DYNC1I1: variants seen among roughly 807,000 people sequenced by gnomAD.
DYNC1I1 encodes cytoplasmic dynein 1 intermediate chain 1.
DYNC1I1 carries 43 observed loss-of-function variants against 86.6 expected under a neutral mutation model. The observed-to-expected ratio is 0.50, with a 90% confidence interval of 0.39 to 0.64. The LOEUF (loss-of-function observed/expected upper bound fraction) is 0.64. Among genes scored for constraint, DYNC1I1 ranks in the 30% least tolerant of loss-of-function variants. The pLI is 0.00. For synonymous variants in DYNC1I1, 262 were observed against 283.7 expected, an observed-to-expected ratio of 0.92 and a Z score of 0.77; for missense variants, 604 against 788.8, an observed-to-expected ratio of 0.77 and a Z score of 2.81.
intron 5 of DYNC1I1, among the ~76,000 whole-genome samples, chr7:95,843,769 T>C (rs761109910): frequency 1.3e-5 from 2 of 152,230 alleles, no homozygotes; most frequent in Non-Finnish European, 2.9e-5. Flanking sequence ...ACTTGTCTTT[T>C]TACCAGGCAA....
At chr7:96,052,499 G>A (rs888601517) in intron 14 of DYNC1I1, among the ~76,000 whole-genome samples, 1 of 151,952 alleles carries the variant, frequency 6.6e-6, no homozygotes, top group Non-Finnish European at 1.5e-5. Context: ...TCTAAAATGG[G>A]GATTAAAATA....
intron 1 of DYNC1I1, among the ~76,000 whole-genome samples, chr7:95,794,548 A>C (rs1794388197): frequency 6.6e-6 from 1 of 152,126 alleles, no homozygotes; most frequent in Non-Finnish European, 1.5e-5. Context: ...GAGTCCTTTA[A>C]GATTTAAGAG....
chr7:95,984,740 G>T, intron 7 of DYNC1I1, 75 bp from the exon 8 acceptor site: 1 of 1,427,918 alleles, frequency 7.0e-7, no homozygotes, highest in Non-Finnish European at 9.3e-7. Flanking sequence ...CAAGAATTGG[G>T]TTCCTCTTGA....
At chr7:95,977,060 A>G (rs558678459) in intron 6 of DYNC1I1, among the ~76,000 whole-genome samples, 1 of 152,298 alleles carries the variant, frequency 6.6e-6, no homozygotes, top group South Asian at 2.1e-4. Flanking sequence ...TCAGACCTGT[A>G]TTTAACCCTT....
chr7:96,063,990 A>T (rs1391466040), intron 14 of DYNC1I1, among the ~76,000 whole-genome samples: 7 of 152,176 alleles, frequency 4.6e-5, no homozygotes, highest in African/African-American at 1.7e-4. Flanking sequence ...GGAACAGTTG[A>T]TGCAATGTGG....
intron 10 of DYNC1I1, among the ~76,000 whole-genome samples, chr7:96,001,060 G>T (rs1212951249): frequency 6.6e-6 from 1 of 152,154 alleles, no homozygotes. Context: ...ACTAGCATTT[G>T]CTGCATCCCG....
At chr7:95,861,078 T>A (rs1789864437) in intron 5 of DYNC1I1, among the ~76,000 whole-genome samples, 3 of 152,122 alleles carry the variant, frequency 2.0e-5, no homozygotes, top group Admixed American at 2.0e-4. Flanking sequence ...CTGCCTAGTA[T>A]TGAAATGACC....
At chr7:96,090,007 G>A (rs1334072054) in intron 16 of DYNC1I1, among the ~76,000 whole-genome samples, 2 of 151,870 alleles carry the variant, frequency 1.3e-5, no homozygotes, top group African/African-American at 4.8e-5. Flanking sequence ...TTGTGTTATG[G>A]AAAACAAGTT....
At chr7:95,967,043 G>A (rs1793033576) in intron 6 of DYNC1I1, among the ~76,000 whole-genome samples, 1 of 152,052 alleles carries the variant, frequency 6.6e-6, no homozygotes, top group South Asian at 2.1e-4. Context: ...GGGGAAATTA[G>A]AAATTATTAA....
At chr7:95,809,621 A>G (rs2115823782) in intron 2 of DYNC1I1, among the ~76,000 whole-genome samples, 1 of 152,256 alleles carries the variant, frequency 6.6e-6, no homozygotes, top group East Asian at 1.9e-4. Context: ...CTGCATTTTA[A>G]TTTGTCACTG....
intron 6 of DYNC1I1, among the ~76,000 whole-genome samples, chr7:95,872,135 G>T (rs988908128): frequency 1.3e-5 from 2 of 152,238 alleles, no homozygotes; most frequent in Non-Finnish European, 2.9e-5. Flanking sequence ...GCTGCGTGGA[G>T]CAGTGGACAG....
chr7:95,957,521 C>T (rs1792748442), intron 6 of DYNC1I1, among the ~76,000 whole-genome samples: 1 of 152,194 alleles, frequency 6.6e-6, no homozygotes, highest in Non-Finnish European at 1.5e-5. Context: ...CCAGAAGCTC[C>T]CACTCCCTTG....
chr7:96,004,142 G>T (rs1344321925), intron 10 of DYNC1I1, among the ~76,000 whole-genome samples: 1 of 152,086 alleles, frequency 6.6e-6, no homozygotes, highest in African/African-American at 2.4e-5. Flanking sequence ...TACTTCCCGG[G>T]GAAGTTTTCT....
chr7:95,961,082 GGTA>G, intron 6 of DYNC1I1, among the ~76,000 whole-genome samples: 1 of 152,330 alleles, frequency 6.6e-6, no homozygotes. Context: ...AAGTAAATGA[GGTA>G]GTAGCATGCT....
At chr7:96,102,785 A>G (rs778991484), downstream of DYNC1I1, among the ~76,000 whole-genome samples, 4 of 152,204 alleles carry the variant, frequency 2.6e-5, no homozygotes, top group Admixed American at 1.3e-4. Context: ...TTGGAAAATT[A>G]TAGTAGTGGC....
chr7:96,102,692 G>A (rs966147230), downstream of DYNC1I1, among the ~76,000 whole-genome samples: 5 of 152,146 alleles, frequency 3.3e-5, no homozygotes, highest in Non-Finnish European at 7.3e-5. Context: ...CTGCTGTATG[G>A]GCCATAAAAT....
intron 9 of DYNC1I1, among the ~76,000 whole-genome samples, chr7:95,994,327 T>C (rs959733070): frequency 6.6e-6 from 1 of 152,010 alleles, no homozygotes; most frequent in African/African-American, 2.4e-5. Flanking sequence ...GACACAGGTG[T>C]AGAAAAAAAA....
At chr7:96,109,109 T>G (rs1791265418) in intron 16 of DYNC1I1, among the ~76,000 whole-genome samples, 1 of 152,074 alleles carries the variant, frequency 6.6e-6, no homozygotes, top group African/African-American at 2.4e-5. Flanking sequence ...ATTATGTGGG[T>G]TTTTTCCCTC....
chr7:95,897,775 G>A (rs115022266), intron 6 of DYNC1I1, among the ~76,000 whole-genome samples: 1,561 of 149,342 alleles, frequency 0.01, 16 homozygotes, highest in African/African-American at 0.036. Flanking sequence ...TTTCAGTAGC[G>A]TGTCATTTTC....
Sources: allele counts gnomAD v4.1 joint callset (sites outside exome capture counted in the v4.1 genomes callset), GRCh38; gene constraint gnomAD v4.1.1; transcripts MANE v1.5; gene names NCBI Gene and HGNC (gene_info 2026-07-23, HGNC 2026-07-21).